EML5: variants seen among roughly 807,000 people sequenced by gnomAD.
The protein encoded by EML5 is echinoderm microtubule-associated protein-like 5.
EML5 carries 120 observed loss-of-function variants against 250.0 expected under a neutral mutation model. That is an observed-to-expected ratio of 0.48 (90% CI 0.41 to 0.56). The LOEUF (loss-of-function observed/expected upper bound fraction) is 0.56, where lower values mean the gene tolerates loss of function less well. EML5 is among the 20% of genes least tolerant of loss of function. The probability of loss-of-function intolerance (pLI) is 0.00; values close to 1 mark genes in which losing one functional copy is unlikely to be tolerated. For synonymous variants in EML5, 771 were observed against 806.5 expected (o/e 0.96, Z 0.75); for missense variants, 2,006 against 2,437.6 (o/e 0.82, Z 3.73).
intron 41 of EML5, chr14:88,617,610 A>T (rs565462312): frequency 6.6e-6 from 1 of 152,314 alleles, no homozygotes; most frequent in South Asian, 2.1e-4. Flanking sequence ...TCTCTACAAA[A>T]ATAAAAATGA....
intron 6 of EML5, among the ~76,000 whole-genome samples, chr14:88,737,531 C>A (rs1017933997): frequency 3.3e-5 from 5 of 152,242 alleles, no homozygotes; most frequent in Admixed American, 6.5e-5. Flanking sequence ...TTGCGCCCGC[C>A]ATGGAGGTCT....
At position 88,754,963 on chromosome 14, in the gene EML5, C is replaced by T. The variant is rs113266558; in HGVS notation, c.198-292G>A. ...GGGATTACAGGCACCCGCCACCACG[C>T]CCAGCTAATTTTTGTATTTTTAGTA... On this transcript the variant is annotated intron_variant, in intron 1 of 43. Transcript: ENST00000554922. Among the ~76,000 whole-genome samples the T allele has an allele frequency of 1.4e-3, 219 of 152,234 alleles. 2 individuals are homozygous for T. The highest frequency in any genetic ancestry group is 5.2e-3 in the African/African-American group (215 of 41,552).
chr14:88,691,176 G>A (rs2092950203), intron 17 of EML5, among the ~76,000 whole-genome samples: 1 of 152,106 alleles, frequency 6.6e-6, no homozygotes, highest in Middle Eastern at 3.2e-3. Context: ...GGGCTCTCCA[G>A]GAACAGAAGG....
At chr14:88,691,755 G>T (rs892171869) in intron 17 of EML5, among the ~76,000 whole-genome samples, 1 of 152,176 alleles carries the variant, frequency 6.6e-6, no homozygotes, top group African/African-American at 2.4e-5. Flanking sequence ...GTTAGGTTAA[G>T]TAAGTGGATA....
intron 7 of EML5, among the ~76,000 whole-genome samples, chr14:88,728,673 A>G (rs1388329016): frequency 6.6e-6 from 1 of 152,152 alleles, no homozygotes; most frequent in Non-Finnish European, 1.5e-5. Context: ...GCAGAGGTGG[A>G]AGAAAATCCA....
At chr14:88,682,120 A>G in intron 20 of EML5, 89 bp from the exon 21 acceptor site, 1 of 1,237,678 alleles carries the variant, frequency 8.1e-7, no homozygotes, top group Non-Finnish European at 1.1e-6. Flanking sequence ...ATACCATTCA[A>G]TAATATATGA....
chr14:88,644,173 C>T (rs149653094), intron 30 of EML5, among the ~76,000 whole-genome samples: 85 of 152,244 alleles, frequency 5.6e-4, no homozygotes, highest in African/African-American at 2.0e-3. Flanking sequence ...ATCATTCACA[C>T]ATACTTAGGT....
intron 21 of EML5, among the ~76,000 whole-genome samples, chr14:88,668,319 A>G (rs2092362566): frequency 1.3e-5 from 2 of 152,224 alleles, no homozygotes. Context: ...TCCTAAATGC[A>G]GAGTGCAGGA....
intron 1 of EML5, among the ~76,000 whole-genome samples, chr14:88,790,361 T>C (rs1445678669): frequency 6.6e-6 from 1 of 152,220 alleles, no homozygotes; most frequent in Admixed American, 6.5e-5. Context: ...TCGAGTATGT[T>C]TGTTGTTTTG....
At chr14:88,657,905 A>T (rs2091931576) in intron 26 of EML5, among the ~76,000 whole-genome samples, 1 of 152,296 alleles carries the variant, frequency 6.6e-6, no homozygotes, top group African/African-American at 2.4e-5. Flanking sequence ...AAGAAAATCA[A>T]AATTATTTTA....
At position 88,621,833 on chromosome 14, in the gene EML5, C is replaced by T. The variant is rs116289454; in HGVS notation, c.5014-532G>A. 2,814 of 455,490 alleles carry T rather than the reference C, an allele frequency of 6.2e-3. 68 individuals are homozygous for T. The highest frequency in any genetic ancestry group is 0.051 in the African/African-American group (2,554 of 50,108). The allele number at this position is 455,490 out of a possible 1,614,324, so 28.2% of individuals were successfully genotyped here. ...CATATCTATAGGGCATAGGGTAATA[C>T]GCATAACCATCACCTCAGACATTTA... On this transcript the variant is annotated intron_variant, in intron 37 of 43. Coordinates refer to ENST00000554922, the MANE Select transcript of EML5 (RefSeq NM_183387.3).
chr14:88,676,043 C>T (rs1383129723), intron 21 of EML5, among the ~76,000 whole-genome samples: 1 of 152,202 alleles, frequency 6.6e-6, no homozygotes, highest in African/African-American at 2.4e-5. Flanking sequence ...TTCTACAAGT[C>T]TCTAAGAAGT....
chr14:88,716,121 T>C (rs907450364), intron 8 of EML5, among the ~76,000 whole-genome samples: 2 of 152,178 alleles, frequency 1.3e-5, no homozygotes, highest in Non-Finnish European at 2.9e-5. Context: ...ATTTTGCTTT[T>C]ATTGACTTCT....
intron 10 of EML5, among the ~76,000 whole-genome samples, chr14:88,707,564 T>C (rs1595601534): frequency 1.3e-5 from 2 of 152,268 alleles, no homozygotes; most frequent in Middle Eastern, 6.8e-3. Flanking sequence ...TATATTAAGT[T>C]ATAGAAGACT....
intron 1 of EML5, among the ~76,000 whole-genome samples, chr14:88,771,583 C>G (rs930070142): frequency 6.6e-6 from 1 of 152,196 alleles, no homozygotes; most frequent in African/African-American, 2.4e-5. Context: ...CAAAGCAAAA[C>G]TTCTCAAAAG....
At chr14:88,762,228 G>A (rs536936037) in intron 1 of EML5, among the ~76,000 whole-genome samples, 109 of 152,120 alleles carry the variant, frequency 7.2e-4, no homozygotes, top group African/African-American at 2.2e-3. Context: ...ACAAAGACAC[G>A]GGCCATGCGT....
In EML5 at chr14:88,695,466, T is replaced by C. The variant is rs773298178; in HGVS notation, c.2345-12A>G. 6.2e-7 allele frequency: 1 copy of C among 1,606,294 alleles called. No homozygotes were observed. The highest frequency in any genetic ancestry group is 8.5e-7 in the Non-Finnish European group (1 of 1,175,526). On this transcript the variant is annotated splice_polypyrimidine_tract_variant and intron_variant, in intron 15 of 43. Coordinates refer to ENST00000554922, the MANE Select transcript of EML5 (RefSeq NM_183387.3). ...ACGTTTCCCATCCGCTGTGGAAAAT[T>C]AATGAGAGAGATAAACTGACTATTA...
intron 43 of EML5, 105 bp downstream of exon 43, chr14:88,616,037 A>G (rs1211329244): frequency 7.6e-7 from 1 of 1,322,354 alleles, no homozygotes; most frequent in East Asian, 2.3e-5. Flanking sequence ...ACCTTCTACT[A>G]ATGTTGACTA....
chr14:88,729,875 T>A (rs1033231821), intron 7 of EML5, among the ~76,000 whole-genome samples: 1 of 151,680 alleles, frequency 6.6e-6, no homozygotes. Flanking sequence ...TTTTTGTTTT[T>A]TTTTTTTGTT....
Sources: allele counts gnomAD v4.1 joint callset (sites outside exome capture counted in the v4.1 genomes callset), GRCh38; gene constraint gnomAD v4.1.1; transcripts MANE v1.5; gene names NCBI Gene and HGNC (gene_info 2026-07-23, HGNC 2026-07-21).